The following ROBO2 variants were observed in gnomAD, a reference collection of about 807,000 sequenced individuals.
ROBO2 encodes roundabout homolog 2.
ROBO2 carries 53 observed loss-of-function variants against 160.8 expected under a neutral mutation model. The ratio of observed to expected loss-of-function variants is 0.33; its 90% CI spans 0.26 to 0.41. The LOEUF (loss-of-function observed/expected upper bound fraction) is 0.41. ROBO2 is among the 10% of genes least tolerant of loss of function. ROBO2 has a pLI of 1.00. For synonymous variants in ROBO2, 664 were observed against 611.7 expected (o/e 1.09, Z -1.26); for missense variants, 1,577 against 1,722.4 (o/e 0.92, Z 1.49).
intron 2 of ROBO2, among the ~76,000 whole-genome samples, chr3:76,692,092 G>A (rs1002250165): frequency 1.3e-5 from 2 of 152,070 alleles, no homozygotes; most frequent in East Asian, 3.9e-4. Context: ...TGGAGATGTA[G>A]GAGAAGAGAC....
rs564102099 is a variant in ROBO2, at chr3:77,153,130, T to G, written c.388+54790T>G. On this transcript the variant is annotated intron_variant, in intron 2 of 25. Coordinates refer to ENST00000461745, the Ensembl canonical transcript of ROBO2. ...TTTATTAAAGGAGTTTAAAAATGCT[T>G]CTTCTTCCAGTTTTTGGAAGAGTTT... 5.9e-5 allele frequency among the ~76,000 whole-genome samples: 9 copies of G among 152,304 alleles called. No homozygotes were observed. In the East Asian group the frequency reaches 1.3e-3, roughly 23 times the overall value.
intron 2 of ROBO2, among the ~76,000 whole-genome samples, chr3:77,273,607 T>C (rs2059640790): frequency 6.6e-6 from 1 of 152,200 alleles, no homozygotes; most frequent in Non-Finnish European, 1.5e-5. Flanking sequence ...TCTATTCTTG[T>C]ACAGATTTCT....
intron 11 of ROBO2, among the ~76,000 whole-genome samples, chr3:77,563,669 A>G (rs2093399958): frequency 6.6e-6 from 1 of 152,154 alleles, no homozygotes; most frequent in Non-Finnish European, 1.5e-5. Context: ...AGGCATAGGC[A>G]CAGGCACTTT....
intron 2 of ROBO2, among the ~76,000 whole-genome samples, chr3:77,154,634 C>T (rs780709767): frequency 2.0e-4 from 31 of 151,968 alleles, no homozygotes; most frequent in African/African-American, 6.5e-4. Flanking sequence ...TGACCATCGG[C>T]GGTGGACTGT....
rs191798379 is a variant in ROBO2 at position 75,999,065 on chromosome 3, G to C, written c.109+61463G>C. 4.2e-3 allele frequency among the ~76,000 whole-genome samples: 634 copies of C among 152,228 alleles called. 4 individuals carry two copies. Among genetic ancestry groups the C allele is most frequent in the Middle Eastern group, 6.8e-3 (2 of 294 alleles). Reference sequence around the variant, plus strand: ...GTAGTGAATAGTCAAACAGCTTCTGGGTTTAAATCCTACATCCTCTGCTTT... The same window carrying C: ...GTAGTGAATAGTCAAACAGCTTCTGCGTTTAAATCCTACATCCTCTGCTTT... On this transcript the variant is annotated intron_variant, in intron 2 of 26. Coordinates refer to the ROBO2 transcript ENST00000487694.
chr3:76,003,786 G>A (rs1029511233), intron 2 of ROBO2, among the ~76,000 whole-genome samples: 21 of 152,152 alleles, frequency 1.4e-4, no homozygotes, highest in African/African-American at 4.3e-4. Context: ...AATCCCTCAC[G>A]GAGAACGTGG....
chr3:77,459,287 A>G (rs1390796191), intron 2 of ROBO2, among the ~76,000 whole-genome samples: 2 of 152,194 alleles, frequency 1.3e-5, no homozygotes, highest in Admixed American at 6.6e-5. Flanking sequence ...ATAAGCAACT[A>G]CCCATATATT....
At chr3:77,568,906 A>G (rs2093564509) in intron 13 of ROBO2, among the ~76,000 whole-genome samples, 1 of 151,976 alleles carries the variant, frequency 6.6e-6, no homozygotes, top group African/African-American at 2.4e-5. Context: ...CAATTGTGCA[A>G]TATGTGGTCT....
intron 2 of ROBO2, among the ~76,000 whole-genome samples, chr3:76,148,897 C>A (rs2072030525): frequency 6.6e-6 from 1 of 151,972 alleles, no homozygotes; most frequent in Non-Finnish European, 1.5e-5. Context: ...TAGTTACTTT[C>A]TAAATTATCT....
rs189199506 is a variant in ROBO2, at chr3:76,743,072, T to C, written c.110-354942T>C. Among the ~76,000 whole-genome samples the C allele has an allele frequency of 8.8e-3, 1,344 of 152,256 alleles. 7 individuals are homozygous for C. The highest frequency in any genetic ancestry group is 0.037 in the Middle Eastern group (11 of 294). ...ATCACAATATGGCGGCCTACAGCAA[T>C]TGAGGCACCATATCGCAGGTTATGA... On this transcript the variant is annotated intron_variant, in intron 2 of 26. Coordinates refer to the ROBO2 transcript ENST00000487694.
At chr3:77,504,886 A>G (rs1479287346) in intron 5 of ROBO2, among the ~76,000 whole-genome samples, 1 of 152,186 alleles carries the variant, frequency 6.6e-6, no homozygotes, top group Non-Finnish European at 1.5e-5. Flanking sequence ...CTATTCCTAT[A>G]TGAAACTAGA....
At chr3:76,055,983 C>T (rs9874178) in intron 2 of ROBO2, among the ~76,000 whole-genome samples, 16,135 of 152,098 alleles carry the variant, frequency 0.11, 1,017 homozygotes, top group Non-Finnish European at 0.14. Context: ...TTGTGACTCA[C>T]GACTCATTCA....
intron 2 of ROBO2, among the ~76,000 whole-genome samples, chr3:76,577,620 G>T (rs555205286): frequency 6.6e-6 from 1 of 152,240 alleles, no homozygotes; most frequent in East Asian, 1.9e-4. Flanking sequence ...ACATGAGTAA[G>T]TGCTTGTATT....
chr3:77,504,308 G>A (rs1391593976), intron 5 of ROBO2, among the ~76,000 whole-genome samples: 1 of 151,894 alleles, frequency 6.6e-6, no homozygotes, highest in Non-Finnish European at 1.5e-5. Context: ...ATCTGGTTGG[G>A]TATGCTATAT....
chr3:76,596,346 G>A (rs1222906068), intron 2 of ROBO2, among the ~76,000 whole-genome samples: 2 of 152,102 alleles, frequency 1.3e-5, no homozygotes, highest in Non-Finnish European at 2.9e-5. Flanking sequence ...ATAAGTGATA[G>A]GAGAGAGAAT....
chr3:76,273,120 A>AATAT (rs749043409), intron 2 of ROBO2, among the ~76,000 whole-genome samples: 513 of 32,326 alleles, frequency 0.016, 7 homozygotes, highest in Middle Eastern at 0.023. Flanking sequence ...CACACATATA[A>AATAT]ATATATATAT....
chr3:77,589,052 G>A, intron 17 of ROBO2, 119 bp downstream of exon 18: 1 of 1,119,462 alleles, frequency 8.9e-7, no homozygotes, highest in Non-Finnish European at 1.3e-6. Context: ...AACCTGCACT[G>A]TAAAATGCAA....
At chr3:77,176,318 A>C (rs1330775906) in intron 2 of ROBO2, among the ~76,000 whole-genome samples, 1 of 152,094 alleles carries the variant, frequency 6.6e-6, no homozygotes, top group Non-Finnish European at 1.5e-5. Flanking sequence ...AACTACTTAC[A>C]TATGAATGAG....
chr3:76,795,833 ACTAT>A (rs1219661713), intron 2 of ROBO2, among the ~76,000 whole-genome samples: 1 of 152,112 alleles, frequency 6.6e-6, no homozygotes, highest in African/African-American at 2.4e-5. Flanking sequence ...CAGAAAAATC[ACTAT>A]CTATGTCAGC....
Sources: gnomAD v4.1 joint callset for allele counts (sites outside exome capture counted in the v4.1 genomes callset) on GRCh38, gnomAD v4.1.1 for gene constraint, MANE v1.5 for transcripts, NCBI Gene and HGNC (gene_info 2026-07-23, HGNC 2026-07-21) for gene names.